CPEB3: variants seen among roughly 807,000 people sequenced by gnomAD.
The protein encoded by CPEB3 is cytoplasmic polyadenylation element binding protein 3.
In CPEB3, 20 loss-of-function variants were observed where a neutral mutation model predicts 67.2. The ratio of observed to expected loss-of-function variants is 0.30; its 90% CI spans 0.21 to 0.43. CPEB3 has a LOEUF of 0.43. Among genes scored for constraint, CPEB3 ranks in the 20% least tolerant of loss-of-function variants. The pLI is 1.00. For synonymous variants in CPEB3, 376 were observed against 393.1 expected, an observed-to-expected ratio of 0.96 and a Z score of 0.51; for missense variants, 746 against 968.6, an observed-to-expected ratio of 0.77 and a Z score of 3.05.
intron 5 of CPEB3, among the ~76,000 whole-genome samples, chr10:92,144,322 A>G (rs1846577686): frequency 6.6e-6 from 1 of 152,072 alleles, no homozygotes. Context: ...TCCAGGCTGG[A>G]GTTCAGTGGT....
chr10:92,150,256 C>CAT (rs1554898681), intron 4 of CPEB3, among the ~76,000 whole-genome samples: 9 of 144,274 alleles, frequency 6.2e-5, no homozygotes, highest in African/African-American at 2.3e-4. Flanking sequence ...CTCTCTCTCT[C>CAT]TTTTTTTTTT....
chr10:92,203,388 G>A (rs1400606537), intron 2 of CPEB3, among the ~76,000 whole-genome samples: 1 of 144,296 alleles, frequency 6.9e-6, no homozygotes, highest in Non-Finnish European at 1.5e-5. Flanking sequence ...ATATGTATGT[G>A]TATATATATA....
At position 92,127,476 on chromosome 10, in the gene CPEB3, G is replaced by A. The variant is rs188341220; in HGVS notation, c.1453+15553C>T. On this transcript the variant is annotated intron_variant, in intron 6 of 9. Coordinates refer to ENST00000265997, the MANE Select transcript of CPEB3 (RefSeq NM_014912.5). ...GGATCACCTGAGGTCAAGAGTTCAC[G>A]ACCAGCCTGGGCAATATGGTGAGAC... 2.8e-3 allele frequency among the ~76,000 whole-genome samples: 425 copies of A among 152,174 alleles called. 3 individuals are homozygous for A. The highest frequency in any genetic ancestry group is 4.7e-3 in the Non-Finnish European group (318 of 67,990).
At chr10:92,194,360 A>C (rs971386794) in intron 2 of CPEB3, among the ~76,000 whole-genome samples, 1 of 151,784 alleles carries the variant, frequency 6.6e-6, no homozygotes, top group Non-Finnish European at 1.5e-5. Context: ...AATTGCTTGG[A>C]CCCGGGAGGC....
intron 2 of CPEB3, among the ~76,000 whole-genome samples, chr10:92,223,899 C>A (rs1284399472): frequency 6.6e-6 from 1 of 152,022 alleles, no homozygotes; most frequent in Non-Finnish European, 1.5e-5. Flanking sequence ...CAGGCGCCTG[C>A]CACCACACCC....
rs1475106226 is a variant in CPEB3, at chr10:92,290,921, C to T, written c.-12+5G>A. On this transcript the variant is annotated splice_donor_5th_base_variant and intron_variant, in intron 1 of 9. Transcript: ENST00000265997. ...GGCAAAAACAAACAGGCAGGGAGGG[C>T]TGACCTTGTTGCTACCGACAGTGGA... 1 of 155,470 alleles carries T rather than the reference C, an allele frequency of 6.4e-6. No homozygotes were observed. Among genetic ancestry groups the T allele is most frequent in the Non-Finnish European group, 1.4e-5 (1 of 69,870 alleles). The allele number at this position is 155,470 out of a possible 1,614,324, so 9.6% of individuals were successfully genotyped here. A position where few individuals can be genotyped will look rare whatever the true frequency, so the allele number is the denominator to read the frequency against.
At chr10:92,204,965 G>A (rs958567700) in intron 2 of CPEB3, among the ~76,000 whole-genome samples, 1 of 149,316 alleles carries the variant, frequency 6.7e-6, no homozygotes, top group Non-Finnish European at 1.5e-5. Context: ...TCAGCCTCCC[G>A]AGTAGCTGGG....
At chr10:92,159,327 A>T (rs984195296) in intron 4 of CPEB3, among the ~76,000 whole-genome samples, 4 of 152,054 alleles carry the variant, frequency 2.6e-5, no homozygotes, top group African/African-American at 7.2e-5. Flanking sequence ...ATACTGAAAA[A>T]GGAAGATAAT....
intron 5 of CPEB3, among the ~76,000 whole-genome samples, chr10:92,144,561 G>A (rs1001386988): frequency 6.6e-6 from 1 of 152,130 alleles, no homozygotes; most frequent in African/African-American, 2.4e-5. Flanking sequence ...CCACTGCACT[G>A]GCCAGTATTT....
At chr10:92,272,062 ATTATT>A (rs1853331511) in intron 1 of CPEB3, 1 of 152,128 alleles carries the variant, frequency 6.6e-6, no homozygotes, top group Non-Finnish European at 1.5e-5. Flanking sequence ...CATTACTATT[ATTATT>A]TTGTTGTTCA....
Position 92,240,217 on chromosome 10 carries a change from G to A in CPEB3, c.134C>T (p.Pro45Leu), listed in dbSNP as rs372958135. The change falls in exon 2 of 10, where the codon CCC becomes CTC. Residue 45 changes from proline (P) to leucine (L), a missense_variant. This residue lies in a region of CPEB3 where 643 missense variants were observed against 717.5 expected (regional missense o/e 0.90). Coordinates refer to ENST00000265997, the MANE Select transcript of CPEB3 (RefSeq NM_014912.5). ...CACTGCGCTGTTTTCCTCCGGCTTG[G>A]GGGTCTCTGAGGAGAGGGGCGTGGA... ...APSTPLSSET[P>L]KPEENSAVPA... 3 of 1,511,320 alleles carry A rather than the reference G, an allele frequency of 2.0e-6. No homozygotes were observed. Among genetic ancestry groups the A allele is most frequent in the African/African-American group, 2.8e-5 (2 of 72,206 alleles). The allele number at this position is 1,511,320 out of a possible 1,614,324, so 93.6% of individuals were successfully genotyped here. A position where few individuals can be genotyped will look rare whatever the true frequency, so the allele number is the denominator to read the frequency against.
chr10:92,093,291 ACTTTT>A (rs984422537), intron 7 of CPEB3, among the ~76,000 whole-genome samples: 1 of 152,084 alleles, frequency 6.6e-6, no homozygotes, highest in Non-Finnish European at 1.5e-5. Context: ...AAAAAAGTTG[ACTTTT>A]CATTTCCTTA....
rs1226403163 is a variant in CPEB3 at position 92,192,530 on chromosome 10, G to A, written c.1112C>T (p.Pro371Leu). 6.2e-7 allele frequency: 1 copy of A among 1,613,946 alleles called. No homozygotes were observed. The highest frequency in any genetic ancestry group is 8.5e-7 in the Non-Finnish European group (1 of 1,179,912). The change falls in exon 3 of 10, where the codon CCC becomes CTC. Residue 371 changes from proline (P) to leucine (L), a missense_variant. This residue lies in a region of CPEB3 where 643 missense variants were observed against 717.5 expected (regional missense o/e 0.90). Coordinates refer to ENST00000265997, the MANE Select transcript of CPEB3 (RefSeq NM_014912.5). The part of the protein sequence containing the change: ...HEPLKGKHYP[P>L]SGPPMSFADI... ...AGCGAAACTCATTGGTGGGCCACTG[G>A]GAGGGTAGTGTTTACCTTTCAGAGG...
intron 1 of CPEB3, among the ~76,000 whole-genome samples, chr10:92,249,729 A>G (rs552599906): frequency 6.6e-6 from 1 of 152,058 alleles, no homozygotes; most frequent in African/African-American, 2.4e-5. Flanking sequence ...GGTATAAAAA[A>G]TATTTTTGGG....
chr10:92,279,483 C>G (rs975297978), intron 1 of CPEB3, among the ~76,000 whole-genome samples: 5 of 152,118 alleles, frequency 3.3e-5, no homozygotes, highest in Non-Finnish European at 5.9e-5. Context: ...ATTTTTCCTT[C>G]ACAGTACTCC....
chr10:92,260,221 T>C (rs982253118), intron 1 of CPEB3, among the ~76,000 whole-genome samples: 1 of 152,188 alleles, frequency 6.6e-6, no homozygotes, highest in Admixed American at 6.5e-5. Context: ...ATATCATTGA[T>C]GGGCAAGACC....
At chr10:92,072,394 G>T (rs550068763) in intron 9 of CPEB3, among the ~76,000 whole-genome samples, 1 of 152,024 alleles carries the variant, frequency 6.6e-6, no homozygotes, top group South Asian at 2.1e-4. Flanking sequence ...GCCTTTGGAC[G>T]TATGATTAGG....
intron 3 of CPEB3, among the ~76,000 whole-genome samples, chr10:92,186,984 A>G (rs1223587780): frequency 1.3e-5 from 2 of 152,240 alleles, no homozygotes; most frequent in Non-Finnish European, 2.9e-5. Flanking sequence ...CTGAGCAATA[A>G]TTCAAGCCAC....
chr10:92,190,659 C>T (rs1848926913), intron 3 of CPEB3, among the ~76,000 whole-genome samples: 1 of 80,912 alleles, frequency 1.2e-5, no homozygotes, highest in Non-Finnish European at 2.2e-5. Flanking sequence ...GAGCGAAACT[C>T]CATCTCAAAA....
Sources: allele counts gnomAD v4.1 joint callset (sites outside exome capture counted in the v4.1 genomes callset), GRCh38; gene constraint gnomAD v4.1.1; regional missense constraint gnomAD v4.1.1; transcripts MANE v1.5; gene names NCBI Gene and HGNC (gene_info 2026-07-23, HGNC 2026-07-21).